BTBD3: variants seen among roughly 807,000 people sequenced by gnomAD.
BTBD3 encodes BTB/POZ domain-containing protein 3.
In BTBD3, 14 loss-of-function variants were observed where a neutral mutation model predicts 41.6. The ratio of observed to expected loss-of-function variants is 0.34; its 90% CI spans 0.22 to 0.53. BTBD3 has a LOEUF of 0.53. Among genes scored for constraint, BTBD3 ranks in the 20% least tolerant of loss-of-function variants. The pLI, the probability that BTBD3 is intolerant of heterozygous loss-of-function variation, is 0.95. For synonymous variants in BTBD3, 249 were observed against 233.7 expected (o/e 1.07, Z -0.60); for missense variants, 426 against 654.7 (o/e 0.65, Z 3.81).
chr20:11,891,388 G>C (rs1307801213), intron 1 of BTBD3: 1 of 152,052 alleles, frequency 6.6e-6, no homozygotes, highest in African/African-American at 2.4e-5. Flanking sequence ...AGCAGGTGGC[G>C]GGGGCCGCGC....
Position 11,919,824 on chromosome 20 carries a change from T to C in BTBD3, c.524T>C (p.Leu175Pro). The change falls in exon 3 of 4, where the codon CTC (leucine) becomes CCC (proline). Residue 175 changes from leucine (L) to proline (P), a missense_variant. Physicochemically the swap from Leu to Pro is moderately conservative, Grantham distance 98. Around this residue, in one of 3 missense-constraint regions of BTBD3, gnomAD observed 321 missense variants for 534.8 expected, o/e 0.60. Coordinates refer to ENST00000378226, the MANE Select transcript of BTBD3 (RefSeq NM_014962.4). Reference protein sequence around the residue: ...RIPDVEPAAFLAMLKYIYCDE... With the variant: ...RIPDVEPAAFPAMLKYIYCDE... ...CCAGATGTCGAACCTGCTGCTTTTC[T>C]CGCTATGCTGAAGTAAGCATCATTC... 1 of 1,613,924 alleles carries C rather than the reference T, an allele frequency of 6.2e-7. No individual in the cohort carries two copies. Among genetic ancestry groups the C allele is most frequent in the Non-Finnish European group, 8.5e-7 (1 of 1,179,768 alleles).
intron 1 of BTBD3, among the ~76,000 whole-genome samples, chr20:11,905,102 G>T (rs978344589): frequency 8.5e-5 from 13 of 152,206 alleles, no homozygotes; most frequent in African/African-American, 2.9e-4. Context: ...CAGGCTCATG[G>T]TGGTGTAATC....
intron 1 of BTBD3, among the ~76,000 whole-genome samples, chr20:11,908,321 G>GTT (rs3834758): frequency 3.9e-5 from 3 of 77,068 alleles, no homozygotes; most frequent in Non-Finnish European, 7.4e-5. Context: ...CTTCTCTGTG[G>GTT]TTTTTTTTTT....
At chr20:11,894,130 T>C (rs2056772385) in intron 1 of BTBD3, among the ~76,000 whole-genome samples, 1 of 152,224 alleles carries the variant, frequency 6.6e-6, no homozygotes, top group Admixed American at 6.5e-5. Flanking sequence ...ATAAGGGTCA[T>C]GGTGCCTGCA....
At chr20:11,897,561 T>C (rs1224137903) in intron 1 of BTBD3, among the ~76,000 whole-genome samples, 1 of 151,190 alleles carries the variant, frequency 6.6e-6, no homozygotes, top group Non-Finnish European at 1.5e-5. Flanking sequence ...TGTTTCCAGG[T>C]TGTCAGCAAA....
intron 1 of BTBD3, among the ~76,000 whole-genome samples, chr20:11,904,651 C>T (rs2056843000): frequency 6.6e-6 from 1 of 152,016 alleles, no homozygotes; most frequent in Admixed American, 6.6e-5. Context: ...ATACTTTTGT[C>T]AAAATTTAAA....
At chr20:11,906,084 C>T (rs1035708554) in intron 1 of BTBD3, among the ~76,000 whole-genome samples, 3 of 151,834 alleles carry the variant, frequency 2.0e-5, no homozygotes, top group African/African-American at 7.3e-5. Context: ...TTTTGGCCAA[C>T]ACAAATCTCA....
In BTBD3 at chr20:11,924,991, T is replaced by G. The variant is rs2057006669; in HGVS notation, c.*1325T>G. 1 of 152,718 alleles carries G rather than the reference T, an allele frequency of 6.5e-6. No homozygotes were observed. Among genetic ancestry groups the G allele is most frequent in the Non-Finnish European group, 1.5e-5 (1 of 68,078 alleles). 9.5% of individuals were successfully genotyped at this position (152,718 alleles called of 1,614,324 possible). On this transcript the variant is annotated 3_prime_UTR_variant, in exon 4 of 4. Transcript: ENST00000378226. The stretch of plus-strand genomic sequence containing the variant: ...ATTAAATTCTCCTTCGCTGCTGGCT[T>G]GTGCTGGTTTAGTGCCTGTGTCCCT...
At chr20:11,921,514 C>T (rs1052480285) in intron 3 of BTBD3, 31 of 152,216 alleles carry the variant, frequency 2.0e-4, no homozygotes, top group African/African-American at 5.8e-4. Flanking sequence ...GGTAAGAGCT[C>T]GAAAGTGCTG....
At position 11,922,682 on chromosome 20, in the gene BTBD3, C is replaced by T; in HGVS notation, c.585C>T (p.Ala195=). 2.5e-6 allele frequency: 4 copies of T among 1,614,156 alleles called. No homozygotes were observed. Among genetic ancestry groups the T allele is most frequent in the Non-Finnish European group, 3.4e-6 (4 of 1,180,032 alleles). The part of the protein sequence containing the change: ...EIDLAADTVL[A]TLYAAKKYIV... ...ACTTGGCTGCTGACACAGTGCTGGC[C>T]ACACTTTATGCTGCCAAAAAGTACA... The change falls in exon 4 of 4, where the codon GCC becomes GCT. Residue 195 remains alanine, a synonymous_variant. Transcript: ENST00000378226.
upstream of BTBD3, among the ~76,000 whole-genome samples, chr20:11,912,928 T>C (rs139102410): frequency 3.0e-3 from 460 of 152,382 alleles, 3 homozygotes; most frequent in Middle Eastern, 0.031. Context: ...CAGCAGCTTC[T>C]GCTGACTTTG....
intron 1 of BTBD3, among the ~76,000 whole-genome samples, chr20:11,892,164 T>A (rs1304249667): frequency 1.3e-5 from 2 of 152,130 alleles, no homozygotes; most frequent in African/African-American, 4.8e-5. Flanking sequence ...GAGGGAAGCG[T>A]CTCTAACGGT....
At chr20:11,918,945 T>A (rs1240903042) in intron 1 of BTBD3, 141 bp from the exon 2 acceptor site, 2 of 641,770 alleles carry the variant, frequency 3.1e-6, no homozygotes, top group Non-Finnish European at 5.4e-6. Context: ...AACAGTTTAG[T>A]TAGAACCTTT....
intron 3 of BTBD3, among the ~76,000 whole-genome samples, chr20:11,920,773 G>T (rs1367188051): frequency 6.6e-6 from 1 of 152,086 alleles, no homozygotes; most frequent in East Asian, 1.9e-4. Context: ...AATGTTTGTT[G>T]AAAAAAGTAT....
In BTBD3 at chr20:11,919,135, G is replaced by A. The variant is rs1293508649; in HGVS notation, c.376G>A (p.Val126Ile). 1 of 1,613,782 alleles carries A rather than the reference G, an allele frequency of 6.2e-7. No individual in the cohort carries two copies. Among genetic ancestry groups the A allele is most frequent in the Non-Finnish European group, 8.5e-7 (1 of 1,179,822 alleles). Residue 126 changes from valine (V) to isoleucine (I), a missense_variant, in exon 2 of 4, where the codon GTT (valine) becomes ATT (isoleucine). Around this residue, in one of 3 missense-constraint regions of BTBD3, gnomAD observed 321 missense variants for 534.8 expected, o/e 0.60. Coordinates refer to ENST00000378226, the MANE Select transcript of BTBD3 (RefSeq NM_014962.4). ...TTTGATGGCAGATGTACATTTTGTG[G>A]TTGGGCCACCAGGTGGGACTCAACG... Reference protein sequence around the residue: ...NDLMADVHFVVGPPGGTQRLP... With the variant: ...NDLMADVHFVIGPPGGTQRLP...
rs2122333530 is a variant in BTBD3, at chr20:11,922,855, A to G, written c.758A>G (p.Glu253Gly). 1 of 1,614,206 alleles carries G rather than the reference A, an allele frequency of 6.2e-7. No individual in the cohort carries two copies. The change falls in exon 4 of 4, where the codon GAG becomes GGG. Residue 253 changes from glutamate (E) to glycine (G), a missense_variant. Glu to Gly is a moderately conservative substitution (Grantham distance 98, BLOSUM62 -2). Around this residue, in one of 3 missense-constraint regions of BTBD3, gnomAD observed 321 missense variants for 534.8 expected, o/e 0.60. Coordinates refer to ENST00000378226, the MANE Select transcript of BTBD3 (RefSeq NM_014962.4). Reference protein sequence around the residue: ...RCWEVIDAQAELALKSEGFCD... With the variant: ...RCWEVIDAQAGLALKSEGFCD... ...TGGGAGGTGATTGATGCCCAGGCTGAGTTAGCTCTCAAGTCTGAGGGATTC... is the reference window on the plus strand; with the variant it reads ...TGGGAGGTGATTGATGCCCAGGCTGGGTTAGCTCTCAAGTCTGAGGGATTC...
intron 1 of BTBD3, among the ~76,000 whole-genome samples, chr20:11,892,160 A>G (rs1346232508): frequency 6.6e-6 from 1 of 152,202 alleles, no homozygotes; most frequent in African/African-American, 2.4e-5. Flanking sequence ...GAGGGAGGGA[A>G]GCGTCTCTAA....
chr20:11,911,484 T>G (rs886863897), intron 1 of BTBD3, among the ~76,000 whole-genome samples: 1 of 152,196 alleles, frequency 6.6e-6, no homozygotes, highest in Non-Finnish European at 1.5e-5. Context: ...TTGTCTAACC[T>G]TTTGGCTTCC....
At chr20:11,906,842 C>T (rs1445494654) in intron 1 of BTBD3, among the ~76,000 whole-genome samples, 1 of 152,120 alleles carries the variant, frequency 6.6e-6, no homozygotes, top group Non-Finnish European at 1.5e-5. Context: ...TGTTTGAAGA[C>T]TGGGTGTGTC....
Sources: gnomAD v4.1 joint callset for allele counts (sites outside exome capture counted in the v4.1 genomes callset) on GRCh38, gnomAD v4.1.1 for gene constraint, gnomAD v4.1.1 regional missense constraint, MANE v1.5 for transcripts, NCBI Gene and HGNC (gene_info 2026-07-23, HGNC 2026-07-21) for gene names.